BMAL2: variants seen among roughly 807,000 people sequenced by gnomAD.
The protein encoded by BMAL2 is basic helix-loop-helix ARNT like 2.
the BMAL2 span, among the ~76,000 whole-genome samples, chr12:27,394,163 C>T: frequency 6.6e-6 from 1 of 152,286 alleles, no homozygotes; most frequent in East Asian, 1.9e-4. Flanking sequence ...AACTCCTGGC[C>T]TTAAGCAGTC....
At chr12:27,410,709 A>G in the BMAL2 span, among the ~76,000 whole-genome samples, 4 of 152,196 alleles carry the variant, frequency 2.6e-5, no homozygotes, top group Admixed American at 6.5e-5. Context: ...AGAAACCTGC[A>G]TGTTGTGTAC....
chr12:27,417,953 G>T, the BMAL2 span: 1 of 468,782 alleles, frequency 2.1e-6, no homozygotes, highest in Non-Finnish European at 3.6e-6. Context: ...AGATCATGCC[G>T]CTGCACTCCA....
chr12:27,367,876 G>C, the BMAL2 span, among the ~76,000 whole-genome samples: 48,074 of 150,806 alleles, frequency 0.32, 8,735 homozygotes, highest in East Asian at 0.45. Flanking sequence ...AGGGAGTCTC[G>C]CTCTGTTGCC....
At chr12:27,364,876 T>G in the BMAL2 span, among the ~76,000 whole-genome samples, 1 of 152,254 alleles carries the variant, frequency 6.6e-6, no homozygotes, top group Admixed American at 6.5e-5. Context: ...ATTCTTTAGA[T>G]ACTCTGTATT....
At chr12:27,375,667 C>CA in the BMAL2 span, among the ~76,000 whole-genome samples, 1 of 152,120 alleles carries the variant, frequency 6.6e-6, no homozygotes, top group African/African-American at 2.4e-5. Flanking sequence ...AAATCTCCCA[C>CA]AAAACGATAC....
At chr12:27,394,107 T>A in the BMAL2 span, among the ~76,000 whole-genome samples, 2 of 152,106 alleles carry the variant, frequency 1.3e-5, no homozygotes, top group African/African-American at 4.8e-5. Context: ...AAGTTTAAAA[T>A]TTTTTGTAGA....
chr12:27,359,792 C>G, the BMAL2 span, among the ~76,000 whole-genome samples: 2 of 152,170 alleles, frequency 1.3e-5, no homozygotes, highest in African/African-American at 4.8e-5. Context: ...AACATATAGC[C>G]TTATGGAGGA....
chr12:27,362,582 C>T, the BMAL2 span, among the ~76,000 whole-genome samples: 2 of 151,958 alleles, frequency 1.3e-5, no homozygotes, highest in African/African-American at 2.4e-5. Flanking sequence ...TTTCTTTTCC[C>T]GAAGAGAACC....
At chr12:27,370,730 C>T in the BMAL2 span, among the ~76,000 whole-genome samples, 72 of 152,166 alleles carry the variant, frequency 4.7e-4, no homozygotes, top group African/African-American at 1.6e-3. Flanking sequence ...CTCAGCCTCC[C>T]GAGTAGCTGG....
At chr12:27,352,754 C>G in the BMAL2 span, among the ~76,000 whole-genome samples, 1 of 152,116 alleles carries the variant, frequency 6.6e-6, no homozygotes, top group African/African-American at 2.4e-5. Flanking sequence ...TTTCAGGATA[C>G]AAAATAAATG....
the BMAL2 span, among the ~76,000 whole-genome samples, chr12:27,362,286 A>G: frequency 5.9e-5 from 9 of 152,278 alleles, no homozygotes; most frequent in East Asian, 9.6e-4. Context: ...AGCTGAAGCC[A>G]TATTTGATCT....
At chr12:27,332,995 G>A in the BMAL2 span, 5 of 1,123,506 alleles carry the variant, frequency 4.5e-6, no homozygotes, top group Non-Finnish European at 5.5e-6. Flanking sequence ...GCCGCCGCCT[G>A]GGCCGGGGCA....
the BMAL2 span, among the ~76,000 whole-genome samples, chr12:27,405,374 C>A: frequency 1.3e-5 from 2 of 152,220 alleles, no homozygotes; most frequent in African/African-American, 4.8e-5. Flanking sequence ...ACACCTCACA[C>A]GGCCAGGTAC....
the BMAL2 span, among the ~76,000 whole-genome samples, chr12:27,338,706 G>T: frequency 6.6e-6 from 1 of 152,190 alleles, no homozygotes; most frequent in Non-Finnish European, 1.5e-5. Flanking sequence ...CTTACACATA[G>T]GTGAGTTTCC....
At chr12:27,378,667 T>G in the BMAL2 span, among the ~76,000 whole-genome samples, 10 of 152,126 alleles carry the variant, frequency 6.6e-5, no homozygotes, top group Non-Finnish European at 1.5e-5. Context: ...TCTTGGGCAG[T>G]GGAAATGCAG....
the BMAL2 span, among the ~76,000 whole-genome samples, chr12:27,398,135 A>G: frequency 3.9e-5 from 6 of 152,164 alleles, no homozygotes; most frequent in Non-Finnish European, 8.8e-5. Flanking sequence ...CCCCTCAAAT[A>G]AACTTCTTAT....
the BMAL2 span, among the ~76,000 whole-genome samples, chr12:27,407,993 G>T: frequency 6.6e-6 from 1 of 152,114 alleles, no homozygotes; most frequent in African/African-American, 2.4e-5. Flanking sequence ...AGAAAATCTA[G>T]AAGAAATGGA....
the BMAL2 span, chr12:27,401,198 G>A: frequency 1.5e-6 from 2 of 1,323,650 alleles, no homozygotes; most frequent in African/African-American, 2.9e-5. Context: ...TGGGCCTACA[G>A]TCTTCTGGGA....
At chr12:27,411,083 A>G in the BMAL2 span, among the ~76,000 whole-genome samples, 1 of 152,144 alleles carries the variant, frequency 6.6e-6, no homozygotes, top group Admixed American at 6.6e-5. Context: ...AATTTTATAT[A>G]TCTCTATATC....
Sources: gnomAD v4.1 joint callset for allele counts (sites outside exome capture counted in the v4.1 genomes callset) on GRCh38, gnomAD v4.1.1 for gene constraint, MANE v1.5 for transcripts, NCBI Gene and HGNC (gene_info 2026-07-23, HGNC 2026-07-21) for gene names.